Variants in HIVEP3 observed in about 807,000 individuals in gnomAD.
HIVEP3 encodes the protein HIVEP zinc finger 3.
HIVEP3 carries 49 observed loss-of-function variants against 152.8 expected under a neutral mutation model. The observed-to-expected ratio is 0.32, with a 90% confidence interval of 0.26 to 0.41. The LOEUF (loss-of-function observed/expected upper bound fraction) is 0.41. Ranked by LOEUF, HIVEP3 falls within the 10% of genes least tolerant of loss-of-function variation. The probability of loss-of-function intolerance (pLI) is 1.00; values close to 1 mark genes in which losing one functional copy is unlikely to be tolerated. For missense variants in HIVEP3, 2,790 were observed against 3,103.3 expected, an observed-to-expected ratio of 0.90 and a Z score of 2.40; for synonymous variants, 1,269 against 1,289.0, an observed-to-expected ratio of 0.98 and a Z score of 0.33.
chr1:41,806,443 C>T (rs1156724412), intron 1 of HIVEP3, among the ~76,000 whole-genome samples: 2 of 152,252 alleles, frequency 1.3e-5, no homozygotes, highest in Non-Finnish European at 2.9e-5. Context: ...CGGCATGGAG[C>T]CCCTGCTATG....
chr1:41,853,951 C>T (rs979744102), intron 1 of HIVEP3, among the ~76,000 whole-genome samples: 1 of 152,130 alleles, frequency 6.6e-6, no homozygotes, highest in Non-Finnish European at 1.5e-5. Flanking sequence ...CAGAGGAGCT[C>T]ACACATCGAG....
At chr1:41,785,751 C>T (rs1649309345) in intron 1 of HIVEP3, among the ~76,000 whole-genome samples, 1 of 152,214 alleles carries the variant, frequency 6.6e-6, no homozygotes, top group Non-Finnish European at 1.5e-5. Flanking sequence ...AATCCCAGCA[C>T]TTTGGGAGAC....
chr1:41,903,496 T>C (rs1214351922), intron 1 of HIVEP3, among the ~76,000 whole-genome samples: 1 of 152,220 alleles, frequency 6.6e-6, no homozygotes, highest in Non-Finnish European at 1.5e-5. Flanking sequence ...TATTCTGCAA[T>C]TATTACTGGA....
intron 5 of HIVEP3, among the ~76,000 whole-genome samples, chr1:41,568,250 C>T (rs565003566): frequency 2.6e-4 from 40 of 152,266 alleles, no homozygotes; most frequent in African/African-American, 9.1e-4. Flanking sequence ...GCAAATTCAT[C>T]GTGGGTAGTG....
intron 2 of HIVEP3, among the ~76,000 whole-genome samples, chr1:41,699,553 C>T (rs568765540): frequency 2.0e-5 from 3 of 152,264 alleles, no homozygotes; most frequent in Admixed American, 2.0e-4. Context: ...GGCCTATTGT[C>T]CTTCAGGGGT....
chr1:41,850,365 T>C (rs1489663169), intron 1 of HIVEP3, among the ~76,000 whole-genome samples: 1 of 152,216 alleles, frequency 6.6e-6, no homozygotes, highest in East Asian at 1.9e-4. Flanking sequence ...GTTTTTATTT[T>C]AAGGTTAAGA....
intron 1 of HIVEP3, among the ~76,000 whole-genome samples, chr1:41,730,482 C>T (rs537643116): frequency 6.6e-6 from 1 of 152,366 alleles, no homozygotes; most frequent in South Asian, 2.1e-4. Flanking sequence ...GAAGAGCCAG[C>T]TCCCCATCAG....
rs544145533 is a variant in HIVEP3 at position 41,832,030 on chromosome 1, CA to C, written c.-801+86382del. On this transcript the variant is annotated intron_variant, in intron 1 of 8. Transcript: ENST00000372583. ...TTTATCCACTACACTAGAGCTGTCT[CA>C]ATTTTCTTAAAATTCAGATTCTGAA... Among the ~76,000 whole-genome samples, 35 of 152,302 alleles carry C rather than the reference CA, an allele frequency of 2.3e-4. No individual in the cohort carries two copies. In the South Asian group the frequency reaches 4.6e-3, roughly 20 times the overall value.
intron 2 of HIVEP3, among the ~76,000 whole-genome samples, chr1:41,669,685 A>G (rs1000585341): frequency 6.6e-6 from 1 of 152,188 alleles, no homozygotes. Context: ...ACCCACTTGC[A>G]GAATGGAACT....
At chr1:41,587,164 G>A (rs1420655270) in intron 3 of HIVEP3, among the ~76,000 whole-genome samples, 2 of 152,162 alleles carry the variant, frequency 1.3e-5, no homozygotes, top group African/African-American at 4.8e-5. Flanking sequence ...AGTGAATGAT[G>A]CAGGAGATCA....
Position 41,867,431 on chromosome 1 carries a change from AG to A in HIVEP3, c.-801+50981del, listed in dbSNP as rs531816593. On this transcript the variant is annotated intron_variant, in intron 1 of 8. Transcript: ENST00000372583. ...CAAATTTGGCTCACAAGCAGGCTGC[AG>A]TTTGCAGACCCCCTCCTAGAGGAAG... is the stretch of plus-strand genomic sequence containing the variant. Among the ~76,000 whole-genome samples the A allele has an allele frequency of 2.3e-3, 357 of 152,310 alleles. 1 individual carries two copies. Among genetic ancestry groups the A allele is most frequent in the African/African-American group, 8.3e-3 (345 of 41,572 alleles).
At chr1:41,598,142 G>T (rs867974130) in intron 3 of HIVEP3, among the ~76,000 whole-genome samples, 2 of 152,332 alleles carry the variant, frequency 1.3e-5, no homozygotes, top group Middle Eastern at 3.4e-3. Context: ...TGAAATGAGA[G>T]TTGCGCAGGC....
intron 1 of HIVEP3, among the ~76,000 whole-genome samples, chr1:41,977,393 T>C (rs533005574): frequency 1.1e-3 from 166 of 152,208 alleles, no homozygotes; most frequent in Non-Finnish European, 1.9e-3. Flanking sequence ...GAGAGAGGTG[T>C]GCCCCACGCT....
intron 1 of HIVEP3, among the ~76,000 whole-genome samples, chr1:42,027,769 TGGC>T (rs1391762418): frequency 2.0e-5 from 3 of 152,178 alleles, no homozygotes; most frequent in African/African-American, 7.2e-5. Flanking sequence ...ACTTCTTACA[TGGC>T]GGTGGCAAGA....
chr1:41,596,438 G>T (rs1177950855), intron 3 of HIVEP3, among the ~76,000 whole-genome samples: 1 of 152,148 alleles, frequency 6.6e-6, no homozygotes, highest in Non-Finnish European at 1.5e-5. Context: ...GTCAAACAGT[G>T]CTGTTCCCCC....
intron 3 of HIVEP3, among the ~76,000 whole-genome samples, chr1:41,596,203 T>G (rs1033494987): frequency 3.3e-5 from 5 of 152,154 alleles, no homozygotes; most frequent in Admixed American, 3.3e-4. Context: ...GCAGATCTTC[T>G]AACAGAGCTG....
exon 1 of HIVEP3, chr1:42,035,887 C>A: frequency 6.7e-6 from 1 of 149,894 alleles, no homozygotes; most frequent in South Asian, 1.9e-4. Context: ...GGCAGCCACC[C>A]GGGCCACGGC....
At chr1:41,512,314 C>A (rs1435072670) in intron 8 of HIVEP3, among the ~76,000 whole-genome samples, 1 of 152,068 alleles carries the variant, frequency 6.6e-6, no homozygotes, top group Non-Finnish European at 1.5e-5. Context: ...GCATTTTGAG[C>A]GTGTGGCACC....
chr1:42,033,111 G>C (rs1645622434), intron 1 of HIVEP3, among the ~76,000 whole-genome samples: 1 of 151,976 alleles, frequency 6.6e-6, no homozygotes, highest in Non-Finnish European at 1.5e-5. Context: ...ATGGGAGGAG[G>C]GAGTTAAACT....
Sources: gnomAD v4.1 joint callset for allele counts (sites outside exome capture counted in the v4.1 genomes callset) on GRCh38, gnomAD v4.1.1 for gene constraint, MANE v1.5 for transcripts, NCBI Gene and HGNC (gene_info 2026-07-23, HGNC 2026-07-21) for gene names.